The following ZNF536 variants were observed in gnomAD, a reference collection of about 807,000 sequenced individuals.
ZNF536 encodes the protein zinc finger protein 536.
ZNF536 carries 13 observed loss-of-function variants against 84.5 expected under a neutral mutation model. The ratio of observed to expected loss-of-function variants is 0.15; its 90% confidence interval spans 0.10 to 0.24. The LOEUF is 0.24. ZNF536 is among the 10% of genes least tolerant of loss of function. ZNF536 has a pLI of 1.00. For synonymous variants in ZNF536, 811 were observed against 742.5 expected (o/e 1.09, Z -1.50); for missense variants, 1,536 against 1,747.5 (o/e 0.88, Z 2.16).
rs908766111 is a variant in ZNF536 at position 30,471,681 on chromosome 19, G to A, written c.2170+25949G>A. The stretch of plus-strand genomic sequence containing the variant: ...CAAAACAGTATCACGGGCAGAGGAT[G>A]TCATGAACATCACAGGTGTCTGCAG... On this transcript the variant is annotated intron_variant, in intron 2 of 4. Transcript: ENST00000355537. Among the ~76,000 whole-genome samples the A allele has an allele frequency of 2.6e-5, 4 of 152,200 alleles. No homozygotes were observed. The South Asian group carries it at 8.3e-4, about 32-fold the overall frequency.
intron 2 of ZNF536, among the ~76,000 whole-genome samples, chr19:30,452,054 T>G (rs2052631692): frequency 6.6e-6 from 1 of 152,110 alleles, no homozygotes; most frequent in South Asian, 2.1e-4. Context: ...GGGTGGGAGT[T>G]AGTAATTTGC....
chr19:30,537,149 G>C (rs536920886), intron 3 of ZNF536, among the ~76,000 whole-genome samples: 1 of 152,320 alleles, frequency 6.6e-6, no homozygotes. Flanking sequence ...ACAGAGCCTG[G>C]CCCAGGTAGG....
chr19:30,265,140 C>G (rs1196507716), intron 1 of ZNF536, among the ~76,000 whole-genome samples: 1 of 152,076 alleles, frequency 6.6e-6, no homozygotes, highest in African/African-American at 2.4e-5. Flanking sequence ...TTCAGTCTCC[C>G]CCTTGTGCCC....
intron 2 of ZNF536, among the ~76,000 whole-genome samples, chr19:30,519,094 G>A (rs1172676494): frequency 6.6e-6 from 1 of 152,218 alleles, no homozygotes; most frequent in Non-Finnish European, 1.5e-5. Context: ...ACGGCCTGAG[G>A]TGCTGCCCCA....
chr19:30,496,238 C>A (rs894234174), intron 2 of ZNF536, among the ~76,000 whole-genome samples: 1 of 152,172 alleles, frequency 6.6e-6, no homozygotes, highest in Admixed American at 6.5e-5. Flanking sequence ...TACAAACTTT[C>A]TGTTCTGTCT....
chr19:30,693,945 C>T (rs975485124), intron 1 of ZNF536, among the ~76,000 whole-genome samples: 4 of 152,166 alleles, frequency 2.6e-5, no homozygotes, highest in Non-Finnish European at 4.4e-5. Context: ...ACTGCTCCCG[C>T]GACACTGTTT....
chr19:30,526,876 G>A (rs2044608170), intron 2 of ZNF536, among the ~76,000 whole-genome samples: 1 of 152,056 alleles, frequency 6.6e-6, no homozygotes, highest in Non-Finnish European at 1.5e-5. Flanking sequence ...TCATCAAAAT[G>A]TTGCTTTAGA....
intron 1 of ZNF536, among the ~76,000 whole-genome samples, chr19:30,664,196 G>C (rs2050219217): frequency 7.6e-6 from 1 of 131,256 alleles, no homozygotes. Context: ...AGGAATTCTT[G>C]CTGAGTTTTC....
intron 1 of ZNF536, among the ~76,000 whole-genome samples, chr19:30,606,452 G>A (rs1956786354): frequency 6.6e-6 from 1 of 152,130 alleles, no homozygotes; most frequent in Non-Finnish European, 1.5e-5. Flanking sequence ...GATGCAGTGA[G>A]TTGGGGGTTT....
intron 2 of ZNF536, among the ~76,000 whole-genome samples, chr19:30,334,834 A>G (rs1214220750): frequency 6.6e-6 from 1 of 152,224 alleles, no homozygotes; most frequent in Admixed American, 6.5e-5. Flanking sequence ...GTTCCACCTC[A>G]GATCGTCAAG....
intron 1 of ZNF536, among the ~76,000 whole-genome samples, chr19:30,686,778 C>A (rs1942663052): frequency 6.6e-6 from 1 of 152,108 alleles, no homozygotes; most frequent in Admixed American, 6.5e-5. Context: ...CTCAGGCCAG[C>A]CCTCCCCCCA....
intron 1 of ZNF536, among the ~76,000 whole-genome samples, chr19:30,432,090 G>A (rs753153155): frequency 3.3e-5 from 5 of 151,732 alleles, no homozygotes; most frequent in Non-Finnish European, 7.4e-5. Context: ...TGCTTTCCTT[G>A]GTGGGGTGGA....
At chr19:30,418,369 G>A (rs114464332) in intron 1 of ZNF536, among the ~76,000 whole-genome samples, 3,419 of 152,248 alleles carry the variant, frequency 0.022, 37 homozygotes, top group African/African-American at 0.041. Context: ...CCCACCGTGG[G>A]TGCAGCATGG....
intron 2 of ZNF536, among the ~76,000 whole-genome samples, chr19:30,301,090 C>G (rs2046165861): frequency 6.6e-6 from 1 of 152,168 alleles, no homozygotes; most frequent in African/African-American, 2.4e-5. Flanking sequence ...GGCCCCTGAT[C>G]ATCACAACGG....
At chr19:30,343,478 C>G (rs1362748632) in intron 2 of ZNF536, among the ~76,000 whole-genome samples, 1 of 152,134 alleles carries the variant, frequency 6.6e-6, no homozygotes, top group Non-Finnish European at 1.5e-5. Context: ...GGGGCCTTGA[C>G]CTGGGTGAGG....
intron 1 of ZNF536, among the ~76,000 whole-genome samples, chr19:30,620,191 G>A (rs1353383189): frequency 1.3e-5 from 2 of 152,116 alleles, no homozygotes; most frequent in African/African-American, 2.4e-5. Context: ...GAGAGCAAAT[G>A]CCTGGCCTCA....
intron 2 of ZNF536, among the ~76,000 whole-genome samples, chr19:30,506,462 G>T (rs910613418): frequency 1.7e-4 from 26 of 152,230 alleles, no homozygotes; most frequent in African/African-American, 6.3e-4. Flanking sequence ...TGCGCTGTTT[G>T]AATGATGCTG....
chr19:30,540,957 T>C (rs1053101237), intron 3 of ZNF536, among the ~76,000 whole-genome samples: 1 of 152,192 alleles, frequency 6.6e-6, no homozygotes, highest in Non-Finnish European at 1.5e-5. Flanking sequence ...GTTTCCCCAC[T>C]AGCACAGCGA....
At chr19:30,489,326 T>C (rs2054417293) in intron 2 of ZNF536, among the ~76,000 whole-genome samples, 1 of 152,112 alleles carries the variant, frequency 6.6e-6, no homozygotes, top group Non-Finnish European at 1.5e-5. Flanking sequence ...AGGCTTGCAG[T>C]CCCAACACTT....
Sources: gnomAD v4.1 joint callset for allele counts (sites outside exome capture counted in the v4.1 genomes callset) on GRCh38, gnomAD v4.1.1 for gene constraint, MANE v1.5 for transcripts, NCBI Gene and HGNC (gene_info 2026-07-23, HGNC 2026-07-21) for gene names.